ZNF791: variants seen among roughly 807,000 people sequenced by gnomAD.
ZNF791 encodes the protein zinc finger protein 791.
In ZNF791, 4 loss-of-function variants were observed where a neutral mutation model predicts 11.5. That is an observed-to-expected ratio of 0.35 (90% CI 0.17 to 0.80). The LOEUF (loss-of-function observed/expected upper bound fraction) is 0.80, where lower values mean the gene tolerates loss of function less well. ZNF791 is among the 30% of genes least tolerant of loss of function. The pLI is 0.53. For missense variants in ZNF791, 559 were observed against 699.4 expected (o/e 0.80, Z 2.26); for synonymous variants, 212 against 228.1 (o/e 0.93, Z 0.64).
chr19:12,611,193 A>C, intron 1 of ZNF791, 111 bp downstream of exon 1: 2 of 1,449,826 alleles, frequency 1.4e-6, no homozygotes. Flanking sequence ...TGGAACTCCA[A>C]GCGTCCTGTC....
intron 1 of ZNF791, among the ~76,000 whole-genome samples, chr19:12,614,738 G>C (rs2023213877): frequency 1.3e-5 from 2 of 151,700 alleles, no homozygotes; most frequent in Admixed American, 6.6e-5. Flanking sequence ...GGGATTACAG[G>C]CGTGCGCCAC....
chr19:12,615,013 T>C (rs35235477), intron 1 of ZNF791, among the ~76,000 whole-genome samples: 18 of 28,954 alleles, frequency 6.2e-4, no homozygotes, highest in African/African-American at 2.3e-3. Flanking sequence ...TATGTTCAAC[T>C]TTTTTTTTTT....
chr19:12,611,101 A>G lies in ZNF791; in HGVS notation c.3+19A>G. The stretch of plus-strand genomic sequence containing the variant: ...GAAAATGGTGAGTGTGCAGGGCCGG[A>G]CTAGTTGGAACCGGCCGTGATCGCG... On this transcript the variant is annotated intron_variant, in intron 1 of 3. Transcript: ENST00000343325. The G allele has an allele frequency of 6.2e-7, 1 of 1,613,852 alleles. No individual in the cohort carries two copies. Among genetic ancestry groups the G allele is most frequent in the Non-Finnish European group, 8.5e-7 (1 of 1,179,898 alleles).
intron 1 of ZNF791, among the ~76,000 whole-genome samples, chr19:12,614,594 T>C (rs2023210934): frequency 7.6e-6 from 1 of 132,130 alleles, no homozygotes; most frequent in African/African-American, 2.8e-5. Context: ...TATGTTTAAC[T>C]TTTTTTTTTT....
intron 3 of ZNF791, 104 bp downstream of exon 3, chr19:12,624,814 CT>C (rs1216765409): frequency 1.4e-6 from 1 of 736,452 alleles, no homozygotes; most frequent in Non-Finnish European, 2.1e-6. Context: ...CTTTGAGAGG[CT>C]GAGGTGGGTG....
At chr19:12,611,515 C>T (rs78456831) in intron 1 of ZNF791, among the ~76,000 whole-genome samples, 72 of 152,266 alleles carry the variant, frequency 4.7e-4, no homozygotes, top group African/African-American at 1.7e-3. Context: ...GGATCCCTCC[C>T]CGAATTCCCA....
intron 1 of ZNF791, among the ~76,000 whole-genome samples, chr19:12,616,632 G>T (rs1213433109): frequency 2.6e-5 from 4 of 152,122 alleles, no homozygotes; most frequent in African/African-American, 9.7e-5. Flanking sequence ...GGCAGAGGTT[G>T]CAGTGAGCCG....
intron 1 of ZNF791, among the ~76,000 whole-genome samples, chr19:12,613,967 T>C (rs557979475): frequency 1.8e-3 from 269 of 152,308 alleles, no homozygotes; most frequent in Non-Finnish European, 2.8e-3. Flanking sequence ...CTGGGTGTAA[T>C]TGGTGCATAT....
chr19:12,620,493 T>G (rs1279952041), intron 1 of ZNF791, among the ~76,000 whole-genome samples: 1 of 152,038 alleles, frequency 6.6e-6, no homozygotes, highest in Non-Finnish European at 1.5e-5. Context: ...TTATTTTCTA[T>G]TAAATGTAAA....
At chr19:12,618,872 G>A (rs1240591682) in intron 1 of ZNF791, among the ~76,000 whole-genome samples, 1 of 147,154 alleles carries the variant, frequency 6.8e-6, no homozygotes, top group Non-Finnish European at 1.5e-5. Flanking sequence ...TTTTTGAGAT[G>A]GAGTCTCACT....
intron 1 of ZNF791, among the ~76,000 whole-genome samples, chr19:12,612,806 A>AT (rs140336473): frequency 0.033 from 3,446 of 104,178 alleles, 95 homozygotes; most frequent in African/African-American, 0.071. Flanking sequence ...ATTCTGCTGG[A>AT]TTTTTTTTTT....
chr19:12,624,738 T>C (rs763998515), intron 3 of ZNF791, 28 bp downstream of exon 3: 1 of 1,571,210 alleles, frequency 6.4e-7, no homozygotes, highest in South Asian at 1.2e-5. Context: ...GAAGTAACAG[T>C]GTTCCTTGAA....
At position 12,628,750 on chromosome 19, in the gene ZNF791, T is replaced by C. The variant is rs1280145315; in HGVS notation, c.1221T>C (p.Thr407=). The C allele has an allele frequency of 6.2e-7, 1 of 1,604,712 alleles. No individual in the cohort carries two copies. The highest frequency in any genetic ancestry group is 8.5e-7 in the Non-Finnish European group (1 of 1,176,944). ...TGAAAATCCACAAGAGAAATCACAC[T>C]GGAGAAAAACCCTATGAGTGTAAGG... ...LDLKIHKRNH[T]GEKPYECKEC... Residue 407 remains threonine, a synonymous_variant, in exon 4 of 4, where the codon ACT becomes ACC. Transcript: ENST00000343325.
chr19:12,619,933 T>C (rs1463679398), intron 1 of ZNF791, among the ~76,000 whole-genome samples: 8 of 151,718 alleles, frequency 5.3e-5, no homozygotes, highest in Admixed American at 5.3e-4. Flanking sequence ...TTTATTTATT[T>C]ATTTTTTTGA....
At chr19:12,614,006 T>C (rs1054205875) in intron 1 of ZNF791, among the ~76,000 whole-genome samples, 7 of 152,190 alleles carry the variant, frequency 4.6e-5, no homozygotes, top group Admixed American at 2.0e-4. Context: ...TCAGGACTTA[T>C]GTTTCCTAGA....
At chr19:12,611,150 C>T (rs1307745925) in intron 1 of ZNF791, 68 bp downstream of exon 1, 1 of 1,600,870 alleles carries the variant, frequency 6.2e-7, no homozygotes, top group Admixed American at 1.7e-5. Context: ...CCCACGGTCA[C>T]CTCCGGCCGC....
rs574777232 is a variant in ZNF791, at chr19:12,622,830, G to A, written c.4-870G>A. Among the ~76,000 whole-genome samples, 10 of 148,896 alleles carry A rather than the reference G, an allele frequency of 6.7e-5. No individual in the cohort carries two copies. In the East Asian group the frequency reaches 2.0e-3, roughly 29 times the overall value. ...ATTGCTTAAACCTGGAGGGGCGGAG[G>A]TTGCAGTGAGCCGAGATCGCACCAC... On this transcript the variant is annotated intron_variant, in intron 1 of 3. Transcript: ENST00000343325.
In ZNF791 at chr19:12,631,355, G is replaced by A. The variant is rs1402569005; in HGVS notation, c.*2095G>A. ...GAAATCACCTACAACACGTTTCTCA[G>A]AACATATACCCATGATTAAGCAATC... is the stretch of plus-strand genomic sequence containing the variant. On this transcript the variant is annotated 3_prime_UTR_variant, in exon 4 of 4. Transcript: ENST00000343325. 1 of 152,152 alleles carries A rather than the reference G, an allele frequency of 6.6e-6. No homozygotes were observed. The highest frequency in any genetic ancestry group is 1.5e-5 in the Non-Finnish European group (1 of 68,038). The allele number at this position is 152,152 out of a possible 1,614,324, so 9.4% of individuals were successfully genotyped here. A position where few individuals can be genotyped will look rare whatever the true frequency, so the allele number is the denominator to read the frequency against.
At position 12,611,019 on chromosome 19, in the gene ZNF791, G is replaced by C. The variant is rs978428852; in HGVS notation, c.-61G>C. ...GCTGTACCCCTGCATCGGATGCGCTGTACCCTGCGCTGGCTCCGTGAACCT... is the reference window on the plus strand; with the variant it reads ...GCTGTACCCCTGCATCGGATGCGCTCTACCCTGCGCTGGCTCCGTGAACCT... On this transcript the variant is annotated 5_prime_UTR_variant, in exon 1 of 4. Transcript: ENST00000343325. The C allele has an allele frequency of 3.7e-6, 6 of 1,613,006 alleles. No individual in the cohort carries two copies. In the African/African-American group the frequency reaches 8.0e-5, roughly 22 times the overall value.
Sources: allele counts gnomAD v4.1 joint callset (sites outside exome capture counted in the v4.1 genomes callset), GRCh38; gene constraint gnomAD v4.1.1; transcripts MANE v1.5; gene names NCBI Gene and HGNC (gene_info 2026-07-23, HGNC 2026-07-21).